Variants in SMARCA5 observed in about 807,000 individuals in gnomAD.
SMARCA5 encodes the protein SNF2 related chromatin remodeling ATPase 5, also known as SWI/SNF-related matrix-associated actin-dependent regulator of chromatin subfamily A member 5.
SMARCA5 carries 18 observed loss-of-function variants against 140.4 expected under a neutral mutation model. That is an observed-to-expected ratio of 0.13 (90% CI 0.09 to 0.19). The LOEUF is 0.19. Ranked by LOEUF, SMARCA5 falls within the 10% of genes least tolerant of loss-of-function variation. The pLI is 1.00. For synonymous variants in SMARCA5, 449 were observed against 419.6 expected (o/e 1.07, Z -0.86); for missense variants, 606 against 1,276.8 (o/e 0.47, Z 8.01).
intron 3 of SMARCA5, among the ~76,000 whole-genome samples, chr4:143,523,059 G>A (rs960600463): frequency 2.0e-5 from 3 of 152,120 alleles, no homozygotes; most frequent in Non-Finnish European, 1.5e-5. Context: ...TATTGAGACA[G>A]AGTCTTGCTC....
intron 20 of SMARCA5, among the ~76,000 whole-genome samples, 196 bp downstream of exon 20, chr4:143,547,104 C>G (rs1041292066): frequency 6.6e-6 from 1 of 152,064 alleles, no homozygotes; most frequent in African/African-American, 2.4e-5. Context: ...TTTTTTAACC[C>G]TAGCTAACTC....
chr4:143,530,429 C>T, intron 8 of SMARCA5, 29 bp from the exon 9 acceptor site: 1 of 1,466,816 alleles, frequency 6.8e-7, no homozygotes, highest in Non-Finnish European at 9.5e-7. Flanking sequence ...TATCTCTGAT[C>T]TGAGTATATT....
At chr4:143,545,762 T>A (rs890074724) in intron 18 of SMARCA5, among the ~76,000 whole-genome samples, 163 bp from the exon 19 acceptor site, 1 of 152,144 alleles carries the variant, frequency 6.6e-6, no homozygotes, top group Non-Finnish European at 1.5e-5. Context: ...CAAGAAAAAA[T>A]AAGACTTCAT....
At chr4:143,534,773 A>G in intron 9 of SMARCA5, 82 bp from the exon 10 acceptor site, 2 of 992,288 alleles carry the variant, frequency 2.0e-6, no homozygotes, top group East Asian at 2.9e-5. Flanking sequence ...TTTTTCATGT[A>G]TTTTATATAC....
intron 11 of SMARCA5, 111 bp from the exon 12 acceptor site, chr4:143,538,479 C>CATAAAA: frequency 1.2e-6 from 1 of 856,380 alleles, no homozygotes; most frequent in South Asian, 1.7e-5. Flanking sequence ...CCCCTTGTAA[C>CATAAAA]CAAGTAGGTA....
intron 4 of SMARCA5, among the ~76,000 whole-genome samples, chr4:143,524,728 TTA>T (rs1313113779): frequency 6.6e-5 from 10 of 152,234 alleles, no homozygotes; most frequent in African/African-American, 2.4e-4. Context: ...TCGTTTTGCT[TTA>T]TATTTGTCCC....
intron 21 of SMARCA5, 150 bp from the exon 22 acceptor site, chr4:143,547,778 G>T: frequency 1.8e-6 from 1 of 547,136 alleles, no homozygotes; most frequent in Non-Finnish European, 3.2e-6. Context: ...AGGTCTTTCG[G>T]GACAAAGATT....
Position 143,527,087 on chromosome 4 carries a change from T to TA in SMARCA5, c.801+628dup, listed in dbSNP as rs1170828134. The stretch of plus-strand genomic sequence containing the variant: ...TGTGTAGTGGTAATAGTCACAGAAT[T>TA]AGAGTTTTTAAAGACGGGTTGAGTC... On this transcript the variant is annotated intron_variant, in intron 6 of 23. Coordinates refer to ENST00000283131, the MANE Select transcript of SMARCA5 (RefSeq NM_003601.4). Among the ~76,000 whole-genome samples, 4 of 152,306 alleles carry TA rather than the reference T, an allele frequency of 2.6e-5. No homozygotes were observed. In the South Asian group the frequency reaches 8.3e-4, roughly 32 times the overall value.
intron 4 of SMARCA5, 60 bp downstream of exon 4, chr4:143,524,527 T>C (rs1737028863): frequency 9.2e-7 from 1 of 1,086,142 alleles, no homozygotes; most frequent in Admixed American, 2.0e-5. Flanking sequence ...CTTTGGTTAA[T>C]GTTTTGGATT....
At position 143,554,901 on chromosome 4, in the gene SMARCA5, G is replaced by A; in HGVS notation, c.*1717G>A. On this transcript the variant is annotated 3_prime_UTR_variant, in exon 24 of 24. Transcript: ENST00000283131. ...ATGAATCAAGTATAGTGGTAGCCCT[G>A]AGAGCTTAGGGACTCAAATGGAAAC... 3.1e-6 allele frequency: 1 copy of A among 319,064 alleles called. No individual in the cohort carries two copies. Among genetic ancestry groups the A allele is most frequent in the Non-Finnish European group, 6.0e-6 (1 of 165,764 alleles). The allele number at this position is 319,064 out of a possible 1,614,324, so 19.8% of individuals were successfully genotyped here.
chr4:143,557,220 A>G lies in SMARCA5; in HGVS notation c.*4036A>G, dbSNP rs1216482392. Reference sequence around the variant, plus strand: ...CTAGGACACCAATATTTAATGTTGCATATCATGTATCTCCAGTACAAGAAG... The same window carrying G: ...CTAGGACACCAATATTTAATGTTGCGTATCATGTATCTCCAGTACAAGAAG... On this transcript the variant is annotated 3_prime_UTR_variant, in exon 24 of 24. Coordinates refer to ENST00000283131, the MANE Select transcript of SMARCA5 (RefSeq NM_003601.4). 4 of 152,224 alleles carry G rather than the reference A, an allele frequency of 2.6e-5. No homozygotes were observed. Among genetic ancestry groups the G allele is most frequent in the Admixed American group, 1.3e-4 (2 of 15,286 alleles). 9.4% of individuals were successfully genotyped at this position (152,224 alleles called of 1,614,324 possible). A position where few individuals can be genotyped will look rare whatever the true frequency, so the allele number is the denominator to read the frequency against.
At chr4:143,525,112 A>G (rs933101622) in intron 4 of SMARCA5, among the ~76,000 whole-genome samples, 2 of 151,854 alleles carry the variant, frequency 1.3e-5, no homozygotes, top group African/African-American at 4.8e-5. Flanking sequence ...TCTTTATGAA[A>G]GCTGAAAATA....
intron 14 of SMARCA5, among the ~76,000 whole-genome samples, chr4:143,541,136 A>G (rs1335209654): frequency 6.6e-6 from 1 of 152,202 alleles, no homozygotes; most frequent in Non-Finnish European, 1.5e-5. Flanking sequence ...AAGGAAACTT[A>G]AGTTCTCATT....
At chr4:143,528,507 G>T in intron 7 of SMARCA5, 76 bp from the exon 8 acceptor site, 1 of 1,302,778 alleles carries the variant, frequency 7.7e-7, no homozygotes, top group Non-Finnish European at 1.1e-6. Context: ...CATTTGTGTT[G>T]GTTCCAGGTC....
At chr4:143,515,556 A>C (rs894456717) in intron 1 of SMARCA5, among the ~76,000 whole-genome samples, 11 of 152,190 alleles carry the variant, frequency 7.2e-5, no homozygotes, top group Non-Finnish European at 1.5e-4. Context: ...CTGCCATCCA[A>C]ACTTTGGAAA....
At chr4:143,549,013 T>C (rs960978631) in intron 22 of SMARCA5, among the ~76,000 whole-genome samples, 2 of 152,092 alleles carry the variant, frequency 1.3e-5, no homozygotes, top group Admixed American at 1.3e-4. Flanking sequence ...GATAAAACAC[T>C]GTATAAATAT....
At chr4:143,536,408 C>G in intron 10 of SMARCA5, 44 bp from the exon 11 acceptor site, 1 of 1,353,234 alleles carries the variant, frequency 7.4e-7, no homozygotes, top group Non-Finnish European at 1.1e-6. Context: ...AGGGATTGAT[C>G]AAGGAACATT....
intron 11 of SMARCA5, 95 bp from the exon 12 acceptor site, chr4:143,538,495 G>A: frequency 2.0e-6 from 2 of 982,964 alleles, no homozygotes; most frequent in Non-Finnish European, 3.1e-6. Context: ...AGGTAGCTTT[G>A]GAATTAAGGA....
chr4:143,554,995 C>T lies in SMARCA5; in HGVS notation c.*1811C>T, dbSNP rs775131090. 9 of 481,538 alleles carry T rather than the reference C, an allele frequency of 1.9e-5. No individual in the cohort carries two copies. The highest frequency in any genetic ancestry group is 1.5e-4 in the Admixed American group (6 of 39,826). The allele number at this position is 481,538 out of a possible 1,614,324, so 29.8% of individuals were successfully genotyped here. On this transcript the variant is annotated 3_prime_UTR_variant, in exon 24 of 24. Transcript: ENST00000283131. ...AGGCCCTGCCACCACTGTGTTTGGC[C>T]AAGTTCACAAATCTGTTTTAACCTG...
Sources: allele counts gnomAD v4.1 joint callset (sites outside exome capture counted in the v4.1 genomes callset), GRCh38; gene constraint gnomAD v4.1.1; transcripts MANE v1.5; gene names NCBI Gene and HGNC (gene_info 2026-07-23, HGNC 2026-07-21).